The following CPQ variants were observed in gnomAD, a reference collection of about 807,000 sequenced individuals.
CPQ encodes the protein carboxypeptidase Q.
Under a neutral mutation model 45.7 loss-of-function variants are expected in CPQ, and 37 were observed. The ratio of observed to expected loss-of-function variants is 0.81; its 90% CI spans 0.62 to 1.07. The LOEUF is 1.07. Among genes scored for constraint, CPQ ranks in the 50% least tolerant of loss-of-function variants. The pLI, the probability that CPQ is intolerant of heterozygous loss-of-function variation, is 0.00. For synonymous variants in CPQ, 186 were observed against 205.8 expected, an observed-to-expected ratio of 0.90 and a Z score of 0.82; for missense variants, 537 against 572.9, an observed-to-expected ratio of 0.94 and a Z score of 0.64.
chr8:96,962,894 G>GT (rs142548338), intron 4 of CPQ, among the ~76,000 whole-genome samples: 23 of 150,968 alleles, frequency 1.5e-4, no homozygotes, highest in South Asian at 8.4e-4. Flanking sequence ...TGTTGCCCCA[G>GT]TTTTTTTTTC....
intron 6 of CPQ, among the ~76,000 whole-genome samples, chr8:97,057,625 T>A (rs961015545): frequency 3.3e-5 from 5 of 152,176 alleles, no homozygotes; most frequent in African/African-American, 1.2e-4. Flanking sequence ...CTTAAACATT[T>A]ATTGTTCACC....
chr8:96,998,188 T>TA (rs1332225039), intron 5 of CPQ, among the ~76,000 whole-genome samples: 2 of 151,794 alleles, frequency 1.3e-5, no homozygotes, highest in Admixed American at 1.3e-4. Context: ...CTTCAGAAAA[T>TA]AAAATGTGAA....
chr8:96,918,964 T>G (rs1291663985), intron 4 of CPQ, among the ~76,000 whole-genome samples: 1 of 152,140 alleles, frequency 6.6e-6, no homozygotes, highest in Non-Finnish European at 1.5e-5. Flanking sequence ...TCCTGCACCT[T>G]CCTAAGGTTC....
At chr8:96,917,021 CTCTT>C (rs1386314066) in intron 4 of CPQ, among the ~76,000 whole-genome samples, 2 of 152,050 alleles carry the variant, frequency 1.3e-5, no homozygotes, top group African/African-American at 2.4e-5. Flanking sequence ...CATCAGGGTT[CTCTT>C]TCTTTTTTTT....
At chr8:96,944,941 G>A (rs1016115809) in intron 4 of CPQ, among the ~76,000 whole-genome samples, 2 of 151,952 alleles carry the variant, frequency 1.3e-5, no homozygotes, top group African/African-American at 4.8e-5. Flanking sequence ...TTCACTTTTA[G>A]CAGTAGCTGA....
At chr8:96,899,373 G>A (rs1024103245) in intron 4 of CPQ, among the ~76,000 whole-genome samples, 17 of 152,284 alleles carry the variant, frequency 1.1e-4, no homozygotes, top group South Asian at 2.1e-4. Context: ...AATTTGGGAT[G>A]CATTTTCACA....
chr8:96,892,705 C>T (rs1812394281), intron 4 of CPQ, among the ~76,000 whole-genome samples: 1 of 152,068 alleles, frequency 6.6e-6, no homozygotes. Flanking sequence ...GCTGTGCATG[C>T]CTCTGGGCTC....
rs1563587267 is a variant in CPQ, at chr8:97,123,153, A to AAAATAAAAT, written c.1256-19863_1256-19855dup. On this transcript the variant is annotated intron_variant, in intron 7 of 7. Transcript: ENST00000220763. ...TAAAATAAAATAAAATAAAATAAAT[A>AAAATAAAAT]AAATAAAATAAAATAAAATAAAATA... 8.9e-4 allele frequency among the ~76,000 whole-genome samples: 56 copies of AAAATAAAAT among 62,908 alleles called. 3 individuals are homozygous for AAAATAAAAT. Among genetic ancestry groups the AAAATAAAAT allele is most frequent in the East Asian group, 5.6e-3 (6 of 1,080 alleles). 41.3% of individuals were successfully genotyped at this position (62,908 alleles called of 152,430 possible). A position where few individuals can be genotyped will look rare whatever the true frequency, so the allele number is the denominator to read the frequency against.
chr8:96,801,205 G>A (rs562413805), intron 2 of CPQ, among the ~76,000 whole-genome samples: 2 of 152,040 alleles, frequency 1.3e-5, no homozygotes, highest in Admixed American at 1.3e-4. Context: ...TCGAACTCCC[G>A]ACATCAGGTG....
chr8:96,857,129 T>C (rs1208197314), intron 3 of CPQ, among the ~76,000 whole-genome samples: 1 of 152,194 alleles, frequency 6.6e-6, no homozygotes, highest in Non-Finnish European at 1.5e-5. Flanking sequence ...TGATTGCTAA[T>C]AGGCATGGGT....
intron 2 of CPQ, among the ~76,000 whole-genome samples, chr8:96,806,721 G>T (rs570358040): frequency 1.3e-5 from 2 of 152,182 alleles, no homozygotes; most frequent in Non-Finnish European, 2.9e-5. Flanking sequence ...TATAGTGAAA[G>T]TATAAATGCA....
Position 97,113,930 on chromosome 8 carries a change from C to T in CPQ, c.1256-29090C>T, listed in dbSNP as rs1008146656. ...TATTGTTTGGCTACAACGTGGGCAG[C>T]AGAGTGTCCATCACGAAGGCCATGT... On this transcript the variant is annotated intron_variant, in intron 7 of 7. Transcript: ENST00000220763. Among the ~76,000 whole-genome samples the T allele has an allele frequency of 1.3e-5, 2 of 152,298 alleles. 1 individual carries two copies.
chr8:96,925,479 C>T (rs1812860452), intron 4 of CPQ, among the ~76,000 whole-genome samples: 1 of 151,078 alleles, frequency 6.6e-6, no homozygotes, highest in Non-Finnish European at 1.5e-5. Context: ...GTCTCCTAGG[C>T]TCAAGCGATT....
At chr8:96,978,659 G>A (rs1231441777) in intron 5 of CPQ, among the ~76,000 whole-genome samples, 1 of 152,148 alleles carries the variant, frequency 6.6e-6, no homozygotes, top group African/African-American at 2.4e-5. Context: ...TTTGGCCTTA[G>A]AAAGTGAAGG....
chr8:96,893,293 AC>A (rs1445224044), intron 4 of CPQ, among the ~76,000 whole-genome samples: 1 of 152,222 alleles, frequency 6.6e-6, no homozygotes, highest in Non-Finnish European at 1.5e-5. Context: ...ATCAGCATCA[AC>A]AGCAACTAAT....
chr8:97,105,902 C>G (rs1376443598), intron 7 of CPQ, among the ~76,000 whole-genome samples: 5 of 152,186 alleles, frequency 3.3e-5, no homozygotes, highest in Non-Finnish European at 2.9e-5. Flanking sequence ...TGCTTTGTTT[C>G]TAGGATGCAG....
At chr8:97,112,328 C>A (rs563415828) in intron 7 of CPQ, among the ~76,000 whole-genome samples, 1 of 152,148 alleles carries the variant, frequency 6.6e-6, no homozygotes, top group East Asian at 1.9e-4. Context: ...AGTACAAGGA[C>A]TGTGGGCATA....
At chr8:96,701,840 T>C (rs112033663) in intron 1 of CPQ, among the ~76,000 whole-genome samples, 3,694 of 152,280 alleles carry the variant, frequency 0.024, 167 homozygotes, top group African/African-American at 0.084. Context: ...TCCCCATCCC[T>C]AACTGAAGGA....
At chr8:96,759,043 G>A (rs1250548533) in intron 1 of CPQ, among the ~76,000 whole-genome samples, 1 of 152,086 alleles carries the variant, frequency 6.6e-6, no homozygotes. Context: ...TATTTTCTAC[G>A]GAGAGCTTGG....
Sources: gnomAD v4.1 joint callset for allele counts (sites outside exome capture counted in the v4.1 genomes callset) on GRCh38, gnomAD v4.1.1 for gene constraint, MANE v1.5 for transcripts, NCBI Gene and HGNC (gene_info 2026-07-23, HGNC 2026-07-21) for gene names.